Variants in CSMD1 observed in about 807,000 individuals in gnomAD.
CSMD1 encodes CUB and Sushi multiple domains 1.
In CSMD1, 213 loss-of-function variants were observed where a neutral mutation model predicts 417.5. The ratio of observed to expected loss-of-function variants is 0.51; its 90% CI spans 0.46 to 0.57. The LOEUF (loss-of-function observed/expected upper bound fraction) is 0.57. Ranked by LOEUF, CSMD1 falls within the 20% of genes least tolerant of loss-of-function variation. The pLI, the probability that CSMD1 is intolerant of heterozygous loss-of-function variation, is 0.00. For synonymous variants in CSMD1, 2,862 were observed against 1,736.8 expected, an observed-to-expected ratio of 1.65 and a Z score of -16.11; for missense variants, 6,923 against 4,529.7, an observed-to-expected ratio of 1.53 and a Z score of -15.17.
At chr8:4,106,350 T>C (rs902924375) in intron 3 of CSMD1, among the ~76,000 whole-genome samples, 1 of 152,322 alleles carries the variant, frequency 6.6e-6, no homozygotes, top group East Asian at 1.9e-4. Flanking sequence ...CTATATTTTT[T>C]AAGTCAAAAT....
At chr8:3,102,043 C>T in intron 46 of CSMD1, among the ~76,000 whole-genome samples, 1 of 152,012 alleles carries the variant, frequency 6.6e-6, no homozygotes, top group East Asian at 1.9e-4. Context: ...CTCAGGTGAT[C>T]CTCCCACCTC....
chr8:4,295,368 A>G (rs1265753035), intron 3 of CSMD1, among the ~76,000 whole-genome samples: 3 of 144,188 alleles, frequency 2.1e-5, no homozygotes, highest in South Asian at 2.2e-4. Context: ...AAGATTATAT[A>G]TGTATCTTAT....
chr8:3,582,661 G>C (rs904554410), intron 9 of CSMD1, among the ~76,000 whole-genome samples: 5 of 151,944 alleles, frequency 3.3e-5, no homozygotes, highest in Admixed American at 3.3e-4. Flanking sequence ...GCTCTAAGTA[G>C]AAAATGCACA....
chr8:4,141,107 G>C (rs1033710964), intron 3 of CSMD1, among the ~76,000 whole-genome samples: 1 of 151,050 alleles, frequency 6.6e-6, no homozygotes, highest in Non-Finnish European at 1.5e-5. Context: ...AGATCTCATA[G>C]GTCTCACTTA....
chr8:3,740,975 G>T (rs1337482581), intron 6 of CSMD1, among the ~76,000 whole-genome samples: 1 of 152,024 alleles, frequency 6.6e-6, no homozygotes, highest in Non-Finnish European at 1.5e-5. Context: ...CAGCACTTTG[G>T]AGGCCAAGGT....
At chr8:4,936,874 T>C (rs1807655220) in intron 1 of CSMD1, among the ~76,000 whole-genome samples, 1 of 152,252 alleles carries the variant, frequency 6.6e-6, no homozygotes, top group South Asian at 2.1e-4. Flanking sequence ...ACTAGGTTTT[T>C]TGTTCAAATT....
chr8:4,680,554 G>C (rs542131788), intron 1 of CSMD1, among the ~76,000 whole-genome samples: 10 of 152,218 alleles, frequency 6.6e-5, no homozygotes, highest in Middle Eastern at 3.4e-3. Flanking sequence ...GAGCCAGCTT[G>C]ATAGGGGGCC....
At chr8:4,525,115 T>C (rs541377405) in intron 2 of CSMD1, among the ~76,000 whole-genome samples, 1 of 152,284 alleles carries the variant, frequency 6.6e-6, no homozygotes, top group African/African-American at 2.4e-5. Flanking sequence ...CAGATCATAG[T>C]GCTAAATTTT....
Position 3,758,512 on chromosome 8 carries a change from C to T in CSMD1, c.819-4470G>A, listed in dbSNP as rs967024644. Among the ~76,000 whole-genome samples the T allele has an allele frequency of 5.3e-5, 8 of 152,122 alleles. No individual in the cohort carries two copies. The South Asian group carries it at 1.7e-3, about 31-fold the overall frequency. On this transcript the variant is annotated intron_variant, in intron 5 of 69. Coordinates refer to ENST00000635120, the MANE Select transcript of CSMD1 (RefSeq NM_033225.6). ...GTTATTCTATCGCTGTCTACAGGGC[C>T]AGGAGCTAATCTTATAGCTCTCATC...
At chr8:4,189,060 G>A (rs1584987686) in intron 3 of CSMD1, among the ~76,000 whole-genome samples, 1 of 152,182 alleles carries the variant, frequency 6.6e-6, no homozygotes, top group East Asian at 1.9e-4. Context: ...TGTTATAAGA[G>A]TGAAAGTTAA....
chr8:3,284,407 C>G, intron 25 of CSMD1, 61 bp from the exon 26 acceptor site: 1 of 1,302,412 alleles, frequency 7.7e-7, no homozygotes, highest in South Asian at 1.2e-5. Flanking sequence ...GACCCCATAG[C>G]TGTAAAGTAA....
At chr8:4,158,975 G>A (rs1306038154) in intron 3 of CSMD1, among the ~76,000 whole-genome samples, 1 of 152,128 alleles carries the variant, frequency 6.6e-6, no homozygotes, top group East Asian at 1.9e-4. Flanking sequence ...GAGTGCAGTG[G>A]CACAATCTCA....
intron 21 of CSMD1, among the ~76,000 whole-genome samples, chr8:3,355,555 A>G (rs538032691): frequency 6.6e-6 from 1 of 152,298 alleles, no homozygotes; most frequent in South Asian, 2.1e-4. Context: ...GAAACCCAGG[A>G]CTTGTACATA....
At chr8:4,566,140 T>C (rs1018780122) in intron 2 of CSMD1, among the ~76,000 whole-genome samples, 4 of 152,158 alleles carry the variant, frequency 2.6e-5, no homozygotes, top group Non-Finnish European at 5.9e-5. Context: ...GATGTGAAGA[T>C]AAGAATGCAT....
Position 3,857,070 on chromosome 8 carries a change from GA to G in CSMD1, c.819-103029del, listed in dbSNP as rs993749576. ...CTTGTATATCCCACACTTACTTCAGGAAAAAAAAAATTAAAAATGACTAAGA... is the reference window on the plus strand; with the variant it reads ...CTTGTATATCCCACACTTACTTCAGGAAAAAAAAATTAAAAATGACTAAGA... On this transcript the variant is annotated intron_variant, in intron 5 of 69. Transcript: ENST00000635120. Among the ~76,000 whole-genome samples, 656 of 147,696 alleles carry G rather than the reference GA, an allele frequency of 4.4e-3. 3 individuals carry two copies. Among genetic ancestry groups the G allele is most frequent in the African/African-American group, 0.014 (574 of 40,402 alleles).
At chr8:4,259,524 G>C (rs749028824) in intron 3 of CSMD1, among the ~76,000 whole-genome samples, 18 of 107,320 alleles carry the variant, frequency 1.7e-4, no homozygotes, top group Admixed American at 2.3e-4. Flanking sequence ...CAAAGTTCGA[G>C]TTTTTAAAAA....
intron 1 of CSMD1, among the ~76,000 whole-genome samples, chr8:4,770,807 T>A (rs1053650015): frequency 3.3e-5 from 5 of 151,924 alleles, no homozygotes; most frequent in Admixed American, 3.3e-4. Flanking sequence ...AAAAATCAAC[T>A]CAAAATGAAT....
Position 3,500,061 on chromosome 8 carries a change from T to C in CSMD1, c.1345-6335A>G, listed in dbSNP as rs1250356486. Among the ~76,000 whole-genome samples, 6 of 152,148 alleles carry C rather than the reference T, an allele frequency of 3.9e-5. No homozygotes were observed. The East Asian group carries it at 9.8e-4, about 25-fold the overall frequency. Reference sequence around the variant, plus strand: ...GGGTGGGAGTGTGACCTGCTGGGGATCTCCCACTTACCTTCTCCCTACAAT... The same window carrying C: ...GGGTGGGAGTGTGACCTGCTGGGGACCTCCCACTTACCTTCTCCCTACAAT... On this transcript the variant is annotated intron_variant, in intron 10 of 69. Coordinates refer to ENST00000635120, the MANE Select transcript of CSMD1 (RefSeq NM_033225.6).
intron 3 of CSMD1, among the ~76,000 whole-genome samples, chr8:4,268,364 G>A (rs186896688): frequency 6.6e-6 from 1 of 152,044 alleles, no homozygotes; most frequent in Non-Finnish European, 1.5e-5. Flanking sequence ...TTTCCTCTTG[G>A]ATCAATACAC....
Sources: allele counts gnomAD v4.1 joint callset (sites outside exome capture counted in the v4.1 genomes callset), GRCh38; gene constraint gnomAD v4.1.1; transcripts MANE v1.5; gene names NCBI Gene and HGNC (gene_info 2026-07-23, HGNC 2026-07-21).